The following VPS13A variants were observed in gnomAD, a reference collection of about 807,000 sequenced individuals.
VPS13A encodes the protein intermembrane lipid transfer protein VPS13A.
VPS13A carries 264 observed loss-of-function variants against 390.9 expected under a neutral mutation model. That is an observed-to-expected ratio of 0.68 (90% CI 0.61 to 0.75). VPS13A has a LOEUF of 0.75. Among genes scored for constraint, VPS13A ranks in the 30% least tolerant of loss-of-function variants. The pLI, the probability that VPS13A is intolerant of heterozygous loss-of-function variation, is 0.00. For synonymous variants in VPS13A, 1,231 were observed against 1,227.1 expected, an observed-to-expected ratio of 1.00 and a Z score of -0.07; for missense variants, 3,409 against 3,733.9, an observed-to-expected ratio of 0.91 and a Z score of 2.27.
intron 22 of VPS13A, among the ~76,000 whole-genome samples, chr9:77,258,228 G>C (rs1173769151): frequency 6.6e-6 from 1 of 152,010 alleles, no homozygotes; most frequent in Admixed American, 6.6e-5. Context: ...TTAACCAAAG[G>C]CTTTTCTCAT....
In VPS13A at chr9:77,415,880, G is replaced by T. The variant is rs77079305; in HGVS notation, c.9475-76G>T. 3.9e-4 allele frequency: 603 copies of T among 1,548,398 alleles called. 4 individuals carry two copies. In the African/African-American group the frequency reaches 6.4e-3, roughly 16 times the overall value. Reference sequence around the variant, plus strand: ...AACTAAACTATAAAGCTAACTTCTAGATCTCCATTCATTACATTTTGTTTC... The same window carrying T: ...AACTAAACTATAAAGCTAACTTCTATATCTCCATTCATTACATTTTGTTTC... On this transcript the variant is annotated intron_variant, in intron 71 of 71. Transcript: ENST00000360280.
chr9:77,408,665 G>A (rs1587732284), intron 71 of VPS13A, among the ~76,000 whole-genome samples: 1 of 152,226 alleles, frequency 6.6e-6, no homozygotes, highest in Non-Finnish European at 1.5e-5. Flanking sequence ...GGCTCGGAGG[G>A]TCCTACGCCC....
At chr9:77,367,797 G>T (rs566872373) in intron 61 of VPS13A, among the ~76,000 whole-genome samples, 10 of 152,216 alleles carry the variant, frequency 6.6e-5, no homozygotes, top group Non-Finnish European at 1.3e-4. Flanking sequence ...CAGAACTCTC[G>T]AATTTACATG....
Position 77,250,048 on chromosome 9 carries a change from AC to A in VPS13A, c.2038-48del, listed in dbSNP as rs562122334. On this transcript the variant is annotated intron_variant, in intron 20 of 71. Coordinates refer to ENST00000360280, the MANE Select transcript of VPS13A (RefSeq NM_033305.3). ...TCTAAAAATTAAACACTTTATACTT[AC>A]ATTTTGAAGTATTTTGCATAGTCTA... 24 of 1,597,636 alleles carry A rather than the reference AC, an allele frequency of 1.5e-5. No homozygotes were observed. The East Asian group carries it at 3.6e-4, about 24-fold the overall frequency.
intron 4 of VPS13A, among the ~76,000 whole-genome samples, chr9:77,205,752 C>T (rs1194634840): frequency 6.6e-6 from 1 of 151,988 alleles, no homozygotes; most frequent in Non-Finnish European, 1.5e-5. Context: ...CCACCACGCC[C>T]AGCTAGCTTT....
rs138221813 is a variant in VPS13A, at chr9:77,415,322, T to C, written c.9475-634T>C. Among the ~76,000 whole-genome samples, 913 of 152,344 alleles carry C rather than the reference T, an allele frequency of 6.0e-3. 2 individuals carry two copies. Among genetic ancestry groups the C allele is most frequent in the African/African-American group, 0.02 (823 of 41,572 alleles). ...ATTCAGTTATCTTTGTCTCCCTATC[T>C]TAGGGCTATTCTTACTAGGCTCTTT... On this transcript the variant is annotated intron_variant, in intron 71 of 71. Transcript: ENST00000360280.
At chr9:77,325,397 C>A (rs1007873424) in intron 45 of VPS13A, among the ~76,000 whole-genome samples, 3 of 146,440 alleles carry the variant, frequency 2.0e-5, no homozygotes, top group Non-Finnish European at 3.0e-5. Context: ...TGTAGTTAGA[C>A]CTTGTTTTTT....
intron 27 of VPS13A, among the ~76,000 whole-genome samples, chr9:77,280,736 G>A (rs779872728): frequency 2.6e-5 from 4 of 151,892 alleles, no homozygotes; most frequent in Non-Finnish European, 5.9e-5. Flanking sequence ...GTGTTTCTGC[G>A]TCAGACTATT....
chr9:77,225,393 G>A (rs1439118952), intron 13 of VPS13A, among the ~76,000 whole-genome samples: 1 of 152,100 alleles, frequency 6.6e-6, no homozygotes, highest in South Asian at 2.1e-4. Context: ...TCGGACTACA[G>A]GCATGTGCCA....
At chr9:77,231,651 T>C (rs1823836142) in intron 17 of VPS13A, among the ~76,000 whole-genome samples, 1 of 152,142 alleles carries the variant, frequency 6.6e-6, no homozygotes, top group Non-Finnish European at 1.5e-5. Flanking sequence ...TTCTGGATAC[T>C]AAACTGTCAC....
rs149575608 is a variant in VPS13A, at chr9:77,321,207, T to C, written c.5454T>C (p.Asp1818=). The part of the protein sequence containing the change: ...KKAKMAIVES[D]PEEENYKVPE... ...CAAAAATGGCCATTGTTGAGTCAGATCCTGAAGAAGAAAACTACAAAGTGC... is the reference window on the plus strand; with the variant it reads ...CAAAAATGGCCATTGTTGAGTCAGACCCTGAAGAAGAAAACTACAAAGTGC... Residue 1818 remains aspartate (D), a synonymous_variant, in exon 43 of 72, where the codon GAT becomes GAC. Coordinates refer to ENST00000360280, the MANE Select transcript of VPS13A (RefSeq NM_033305.3). The C allele has an allele frequency of 5.5e-5, 88 of 1,612,594 alleles. No homozygotes were observed. Among genetic ancestry groups the C allele is most frequent in the Non-Finnish European group, 7.1e-5 (84 of 1,179,172 alleles).
chr9:77,416,571 G>A lies in VPS13A; in HGVS notation c.*565G>A, dbSNP rs989391. 13,505 of 152,740 alleles carry A rather than the reference G, an allele frequency of 0.088. 685 individuals are homozygous for A. The highest frequency in any genetic ancestry group is 0.099 in the Middle Eastern group (29 of 294). 9.5% of individuals were successfully genotyped at this position (152,740 alleles called of 1,614,324 possible). A position where few individuals can be genotyped will look rare whatever the true frequency, so the allele number is the denominator to read the frequency against. The stretch of plus-strand genomic sequence containing the variant: ...TTAATATAAAGGATAGGTTTGAATT[G>A]TACTTAAAATGCATAGCATTATTAA... On this transcript the variant is annotated 3_prime_UTR_variant, in exon 72 of 72. Transcript: ENST00000360280.
chr9:77,194,822 C>G (rs1824894396), intron 1 of VPS13A, among the ~76,000 whole-genome samples: 1 of 152,068 alleles, frequency 6.6e-6, no homozygotes, highest in South Asian at 2.1e-4. Flanking sequence ...TTCCAAAGAT[C>G]TGCTCAGAGT....
Position 77,282,177 on chromosome 9 carries a change from A to G in VPS13A, c.3021A>G (p.Ile1007Met). ...HLHTEALLNT[I>M]NYLHNILPQS... ...ACACTGAAGCACTTCTGAATACAAT[A>G]AATTATCTTCATAATATCCTTCCGC... Residue 1007 changes from isoleucine (I) to methionine (M), a missense_variant, in exon 29 of 72, where the codon ATA becomes ATG. Physicochemically the swap from Ile to Met is conservative, Grantham distance 10 (BLOSUM62 1). Coordinates refer to ENST00000360280, the MANE Select transcript of VPS13A (RefSeq NM_033305.3). The G allele has an allele frequency of 6.2e-6, 10 of 1,613,444 alleles. No individual in the cohort carries two copies. The highest frequency in any genetic ancestry group is 8.5e-6 in the Non-Finnish European group (10 of 1,179,484).
chr9:77,208,413 A>C (rs1825797731), intron 5 of VPS13A, among the ~76,000 whole-genome samples: 1 of 152,168 alleles, frequency 6.6e-6, no homozygotes. Flanking sequence ...AGAAATATGA[A>C]AAGAGGAACA....
intron 1 of VPS13A, among the ~76,000 whole-genome samples, chr9:77,192,466 T>C (rs952327774): frequency 1.4e-4 from 21 of 152,324 alleles, no homozygotes; most frequent in Admixed American, 1.3e-3. Flanking sequence ...TGTGTTTCTG[T>C]GGTAGCCGGT....
intron 42 of VPS13A, among the ~76,000 whole-genome samples, chr9:77,320,956 A>G (rs1008530660): frequency 5.9e-5 from 9 of 152,026 alleles, no homozygotes; most frequent in Admixed American, 1.3e-4. Context: ...CCATTTTACT[A>G]TCACTGATGA....
At chr9:77,364,619 G>A (rs978587271) in intron 59 of VPS13A, among the ~76,000 whole-genome samples, 2 of 152,154 alleles carry the variant, frequency 1.3e-5, no homozygotes, top group African/African-American at 4.8e-5. Flanking sequence ...GGGTATACTA[G>A]TCTAGAGTAG....
chr9:77,178,084 G>C, intron 1 of VPS13A: 1 of 384,058 alleles, frequency 2.6e-6, no homozygotes. Flanking sequence ...GGCTCCGTGG[G>C]TCTGGCGTTC....
Sources: allele counts gnomAD v4.1 joint callset (sites outside exome capture counted in the v4.1 genomes callset), GRCh38; gene constraint gnomAD v4.1.1; transcripts MANE v1.5; gene names NCBI Gene and HGNC (gene_info 2026-07-23, HGNC 2026-07-21).